The following RFX4 variants were observed in gnomAD, a reference collection of about 807,000 sequenced individuals.
RFX4 encodes the protein regulatory factor X4.
RFX4 carries 10 observed loss-of-function variants against 95.0 expected under a neutral mutation model. The ratio of observed to expected loss-of-function variants is 0.11; its 90% CI spans 0.06 to 0.18. The LOEUF (loss-of-function observed/expected upper bound fraction) is 0.18, where lower values mean the gene tolerates loss of function less well. RFX4 is among the 10% of genes least tolerant of loss of function. The probability of loss-of-function intolerance (pLI) is 1.00; values close to 1 mark genes in which losing one functional copy is unlikely to be tolerated. For synonymous variants in RFX4, 321 were observed against 340.7 expected (o/e 0.94, Z 0.64); for missense variants, 640 against 922.0 (o/e 0.69, Z 3.96).
chr12:106,705,482 C>T (rs2042066269), intron 8 of RFX4, among the ~76,000 whole-genome samples: 1 of 152,032 alleles, frequency 6.6e-6, no homozygotes, highest in South Asian at 2.1e-4. Context: ...TGCAGGTATA[C>T]ACCCACAGAG....
intron 3 of RFX4, among the ~76,000 whole-genome samples, chr12:106,653,594 A>G (rs1205783955): frequency 6.6e-6 from 1 of 152,184 alleles, no homozygotes; most frequent in Non-Finnish European, 1.5e-5. Flanking sequence ...GAGACTCACT[A>G]AGAAGGTGAT....
At chr12:106,622,327 T>C (rs551677550) in intron 2 of RFX4, among the ~76,000 whole-genome samples, 1 of 152,278 alleles carries the variant, frequency 6.6e-6, no homozygotes, top group South Asian at 2.1e-4. Flanking sequence ...CTAATCCTAC[T>C]ATGTAGAGAT....
intron 1 of RFX4, among the ~76,000 whole-genome samples, chr12:106,604,441 A>G (rs1439493793): frequency 1.3e-5 from 2 of 152,120 alleles, no homozygotes; most frequent in African/African-American, 2.4e-5. Flanking sequence ...TCTCTTTAGC[A>G]CAGCTTCTTG....
chr12:106,590,965 A>G (rs570325791), intron 1 of RFX4, among the ~76,000 whole-genome samples: 1 of 152,204 alleles, frequency 6.6e-6, no homozygotes, highest in African/African-American at 2.4e-5. Context: ...ATAAAAAAGA[A>G]AGGAAGGAAG....
At chr12:106,697,966 AATT>A (rs976695119) in intron 8 of RFX4, among the ~76,000 whole-genome samples, 11 of 151,490 alleles carry the variant, frequency 7.3e-5, no homozygotes, top group African/African-American at 2.2e-4. Flanking sequence ...TAATTATTAT[AATT>A]ATTATTATTA....
At chr12:106,602,826 G>A (rs993571911) in intron 1 of RFX4, among the ~76,000 whole-genome samples, 8 of 152,052 alleles carry the variant, frequency 5.3e-5, no homozygotes, top group Admixed American at 5.2e-4. Context: ...TTCATCACAA[G>A]CATCGCTACA....
At chr12:106,588,220 T>C (rs899558759) in intron 1 of RFX4, among the ~76,000 whole-genome samples, 6 of 152,362 alleles carry the variant, frequency 3.9e-5, no homozygotes, top group Non-Finnish European at 7.3e-5. Flanking sequence ...TCAATAACCA[T>C]GAACAACTCT....
At chr12:106,647,321 C>T (rs868609961) in intron 3 of RFX4, among the ~76,000 whole-genome samples, 5 of 152,200 alleles carry the variant, frequency 3.3e-5, no homozygotes, top group Non-Finnish European at 7.3e-5. Flanking sequence ...CCAGCAGAGT[C>T]GCTGTGGACA....
At chr12:106,745,712 T>C (rs939925211) in intron 15 of RFX4, among the ~76,000 whole-genome samples, 1 of 152,196 alleles carries the variant, frequency 6.6e-6, no homozygotes, top group Non-Finnish European at 1.5e-5. Context: ...AAATACAGAA[T>C]GGGAGATCAA....
intron 17 of RFX4, 147 bp downstream of exon 17, chr12:106,750,940 A>ATTTATTTATTTT: frequency 1.5e-6 from 1 of 674,512 alleles, no homozygotes; most frequent in South Asian, 7.8e-5. Flanking sequence ...TTATTTATTT[A>ATTTATTTATTTT]TTTTTATTAT....
intron 4 of RFX4, among the ~76,000 whole-genome samples, chr12:106,670,025 C>T (rs369042267): frequency 2.6e-5 from 4 of 152,234 alleles, no homozygotes; most frequent in South Asian, 4.1e-4. Context: ...ATATTGATAG[C>T]AATCAATCAC....
chr12:106,675,229 G>C (rs541501174), intron 4 of RFX4, among the ~76,000 whole-genome samples: 1 of 152,262 alleles, frequency 6.6e-6, no homozygotes, highest in South Asian at 2.1e-4. Flanking sequence ...CCAGGAGCTT[G>C]AGACCAGCCT....
chr12:106,689,622 A>G (rs2041738010), intron 7 of RFX4, among the ~76,000 whole-genome samples: 1 of 152,186 alleles, frequency 6.6e-6, no homozygotes, highest in Non-Finnish European at 1.5e-5. Context: ...CTGCCCTATC[A>G]GCACACTAGG....
At position 106,586,210 on chromosome 12, in the gene RFX4, T is replaced by C. The variant is rs2039455606; in HGVS notation, c.43+2847T>C. 6.6e-6 allele frequency among the ~76,000 whole-genome samples: 1 copy of C among 151,950 alleles called. No homozygotes were observed. The highest frequency in any genetic ancestry group is 1.5e-5 in the Non-Finnish European group (1 of 67,954). ...GCGCGCAGGGGCAGTCGACGCACCT[T>C]CTGGCCGGTGCGCGGTTTGCAGTAA... On this transcript the variant is annotated intron_variant, in intron 1 of 17. Transcript: ENST00000392842. The surrounding 1 kb of genome is among the most constrained non-coding windows in gnomAD (Gnocchi z 5.6).
rs1363766333 is a variant in RFX4 at position 106,709,446 on chromosome 12, A to G, written c.934+16A>G. ...AAGTTCGAATGTAAGTACTGAGTTG[A>G]GAGCGGGATGGAAGAGAGAATTACA... is the stretch of plus-strand genomic sequence containing the variant. On this transcript the variant is annotated intron_variant, in intron 9 of 17. Coordinates refer to ENST00000392842, the MANE Select transcript of RFX4 (RefSeq NM_213594.3). 4 of 1,586,412 alleles carry G rather than the reference A, an allele frequency of 2.5e-6. No individual in the cohort carries two copies. Among genetic ancestry groups the G allele is most frequent in the Non-Finnish European group, 3.4e-6 (4 of 1,163,584 alleles).
intron 4 of RFX4, among the ~76,000 whole-genome samples, chr12:106,674,385 C>T (rs1308555375): frequency 2.0e-5 from 3 of 150,820 alleles, no homozygotes. Flanking sequence ...GGCTGGAGTG[C>T]AGCGGTGTGA....
At chr12:106,607,141 G>C (rs1267024850) in intron 1 of RFX4, among the ~76,000 whole-genome samples, 1 of 152,138 alleles carries the variant, frequency 6.6e-6, no homozygotes, top group Admixed American at 6.5e-5. Context: ...CTGTCCAAAA[G>C]CCTGCAGCCA....
At chr12:106,599,347 C>T (rs1256326631) in intron 1 of RFX4, among the ~76,000 whole-genome samples, 1 of 152,136 alleles carries the variant, frequency 6.6e-6, no homozygotes, top group Non-Finnish European at 1.5e-5. Context: ...TTAGAATTCA[C>T]AATGAGACTT....
chr12:106,629,889 G>A (rs940547512), intron 2 of RFX4, among the ~76,000 whole-genome samples: 1 of 152,164 alleles, frequency 6.6e-6, no homozygotes, highest in Non-Finnish European at 1.5e-5. Context: ...CAGGAGGCAC[G>A]GTTCGCTCTC....
Sources: allele counts gnomAD v4.1 joint callset (sites outside exome capture counted in the v4.1 genomes callset), GRCh38; gene constraint gnomAD v4.1.1; non-coding constraint Gnocchi (gnomAD v3.1); transcripts MANE v1.5; gene names NCBI Gene and HGNC (gene_info 2026-07-23, HGNC 2026-07-21).